Variants in GALK2 observed in about 807,000 individuals in gnomAD.
The protein encoded by GALK2 is N-acetylgalactosamine kinase.
Under a neutral mutation model 52.4 loss-of-function variants are expected in GALK2, and 36 were observed. That is an observed-to-expected ratio of 0.69 (90% CI 0.53 to 0.91). The LOEUF (loss-of-function observed/expected upper bound fraction) is 0.91, where lower values mean the gene tolerates loss of function less well. GALK2 is among the 40% of genes least tolerant of loss of function. The probability of loss-of-function intolerance (pLI) is 0.00; values close to 1 mark genes in which losing one functional copy is unlikely to be tolerated. For synonymous variants in GALK2, 176 were observed against 199.1 expected (o/e 0.88, Z 0.98); for missense variants, 579 against 559.1 (o/e 1.04, Z -0.36).
upstream of GALK2, among the ~76,000 whole-genome samples, chr15:49,168,703 G>C (rs2084906487): frequency 6.8e-6 from 1 of 147,122 alleles, no homozygotes; most frequent in South Asian, 2.2e-4. Context: ...GGGCAACAAA[G>C]AGCGAAACTC....
At chr15:49,293,257 A>G (rs2034123730) in intron 8 of GALK2, among the ~76,000 whole-genome samples, 1 of 152,214 alleles carries the variant, frequency 6.6e-6, no homozygotes. Flanking sequence ...TTGAGTTGCT[A>G]CTGTAGATTT....
downstream of GALK2, among the ~76,000 whole-genome samples, chr15:49,335,939 A>G (rs1287101956): frequency 6.6e-6 from 1 of 152,076 alleles, no homozygotes; most frequent in African/African-American, 2.4e-5. Context: ...TGTGACCTCA[A>G]ACTCCTGGGC....
At chr15:49,258,790 A>ATG (rs1324911449) in intron 5 of GALK2, among the ~76,000 whole-genome samples, 109 of 115,466 alleles carry the variant, frequency 9.4e-4, no homozygotes, top group African/African-American at 2.8e-3. Context: ...ATATATATAT[A>ATG]TATATGTGTG....
At chr15:49,265,898 G>A (rs2092344155) in intron 5 of GALK2, among the ~76,000 whole-genome samples, 1 of 152,238 alleles carries the variant, frequency 6.6e-6, no homozygotes, top group Non-Finnish European at 1.5e-5. Context: ...TAAAAAAGGA[G>A]TGTTTGCTTT....
chr15:49,216,303 TGAATGAGAGTGGGTCCAG>T (rs1224114325), intron 2 of GALK2, among the ~76,000 whole-genome samples: 1 of 152,220 alleles, frequency 6.6e-6, no homozygotes, highest in Non-Finnish European at 1.5e-5. Flanking sequence ...GGATTCCCTC[TGAATGAGAGTGGGTCCAG>T]GAACTAAGTC....
Position 49,327,943 on chromosome 15 carries a change from C to T in GALK2, c.1170-9C>T, listed in dbSNP as rs1567070063. 6.3e-6 allele frequency: 10 copies of T among 1,592,334 alleles called. No individual in the cohort carries two copies. The highest frequency in any genetic ancestry group is 5.3e-5 in the Admixed American group (3 of 56,870). On this transcript the variant is annotated splice_polypyrimidine_tract_variant and intron_variant, in intron 9 of 9. Coordinates refer to ENST00000560031, the MANE Select transcript of GALK2 (RefSeq NM_002044.4). ...ATAGGTTCTAATATTTTTTTCCTCA[C>T]TGTTTTAGGAAGTTTGGGGCTCAAG...
intron 3 of GALK2, among the ~76,000 whole-genome samples, chr15:49,361,965 G>A (rs964336842): frequency 2.0e-5 from 3 of 152,068 alleles, no homozygotes; most frequent in Non-Finnish European, 2.9e-5. Context: ...GTATCTCATC[G>A]TGGCTTTGAT....
chr15:49,324,543 T>G (rs528922372), intron 9 of GALK2, among the ~76,000 whole-genome samples: 1 of 152,298 alleles, frequency 6.6e-6, no homozygotes, highest in South Asian at 2.1e-4. Context: ...GGCTTACATT[T>G]CTAAAGTAGA....
intron 3 of GALK2, among the ~76,000 whole-genome samples, chr15:49,338,698 C>A (rs2040199593): frequency 1.3e-5 from 2 of 152,190 alleles, no homozygotes; most frequent in Non-Finnish European, 2.9e-5. Context: ...GGAAGTTCTC[C>A]TGGATAATAT....
At chr15:49,172,957 A>G (rs1051718673) in intron 1 of GALK2, among the ~76,000 whole-genome samples, 1 of 152,214 alleles carries the variant, frequency 6.6e-6, no homozygotes, top group Admixed American at 6.5e-5. Context: ...AAATGGGTTT[A>G]ATGTATTCAT....
chr15:49,219,256 C>G lies in GALK2; in HGVS notation c.266+1943C>G, dbSNP rs141750315. 4.6e-3 allele frequency among the ~76,000 whole-genome samples: 699 copies of G among 152,144 alleles called. 11 individuals are homozygous for G. Among genetic ancestry groups the G allele is most frequent in the African/African-American group, 0.016 (673 of 41,500 alleles). On this transcript the variant is annotated intron_variant, in intron 3 of 9. Transcript: ENST00000560031. ...ATTGAATCATGGGGGCAAGTCTTTCCCATGCTGTTCTTGTGATAATGAATA... is the reference window on the plus strand; with the variant it reads ...ATTGAATCATGGGGGCAAGTCTTTCGCATGCTGTTCTTGTGATAATGAATA...
At chr15:49,340,047 C>T (rs920332510) in intron 3 of GALK2, among the ~76,000 whole-genome samples, 1 of 152,150 alleles carries the variant, frequency 6.6e-6, no homozygotes, top group Non-Finnish European at 1.5e-5. Flanking sequence ...TCTTAACTTG[C>T]TGGGCTCAGT....
rs1347693924 is a variant in GALK2 at position 49,366,655 on chromosome 15, G to C, written c.427-836G>C. On this transcript the variant is annotated intron_variant, in intron 3 of 3. Transcript: ENST00000558399. The stretch of plus-strand genomic sequence containing the variant: ...GGAAGCCCCAGAGCAGGGCGGCCGT[G>C]GCAGGGGACAGCCGCCGCTGCGGCC... The C allele has an allele frequency of 1.9e-5, 29 of 1,554,254 alleles. No individual in the cohort carries two copies. In the East Asian group the frequency reaches 6.3e-4, roughly 34 times the overall value.
At chr15:49,218,596 A>G (rs1012569537) in intron 3 of GALK2, among the ~76,000 whole-genome samples, 1 of 152,104 alleles carries the variant, frequency 6.6e-6, no homozygotes. Context: ...GCTTGATTCT[A>G]CCAGGACCCC....
chr15:49,206,769 C>A (rs1364428225), intron 2 of GALK2, among the ~76,000 whole-genome samples: 2 of 151,956 alleles, frequency 1.3e-5, no homozygotes, highest in African/African-American at 4.8e-5. Context: ...GGTAAACGAT[C>A]GTATCATCAG....
intron 5 of GALK2, among the ~76,000 whole-genome samples, chr15:49,246,626 C>T (rs2091363906): frequency 6.6e-6 from 1 of 152,108 alleles, no homozygotes; most frequent in South Asian, 2.1e-4. Context: ...GTCAAAAACA[C>T]AATTTACATG....
chr15:49,350,648 G>T (rs77750464), intron 3 of GALK2, among the ~76,000 whole-genome samples: 2 of 152,086 alleles, frequency 1.3e-5, no homozygotes, highest in African/African-American at 4.8e-5. Flanking sequence ...ACCCCTATGA[G>T]GGTACTGTGA....
chr15:49,361,670 TTA>T (rs1020795261), intron 3 of GALK2, among the ~76,000 whole-genome samples: 22 of 152,270 alleles, frequency 1.4e-4, no homozygotes, highest in African/African-American at 5.3e-4. Context: ...GTTGAATTCC[TTA>T]TCTTTACTAT....
At chr15:49,354,985 C>T (rs926425927) in intron 3 of GALK2, among the ~76,000 whole-genome samples, 10 of 151,906 alleles carry the variant, frequency 6.6e-5, no homozygotes, top group Admixed American at 3.9e-4. Context: ...GGCACACTGA[C>T]ACCTCACACG....
Sources: gnomAD v4.1 joint callset for allele counts (sites outside exome capture counted in the v4.1 genomes callset) on GRCh38, gnomAD v4.1.1 for gene constraint, MANE v1.5 for transcripts, NCBI Gene and HGNC (gene_info 2026-07-23, HGNC 2026-07-21) for gene names.